PHACTR2: variants seen among roughly 807,000 people sequenced by gnomAD.
PHACTR2 encodes phosphatase and actin regulator 2, also known as chromosome 6 open reading frame 56.
PHACTR2 carries 30 observed loss-of-function variants against 76.0 expected under a neutral mutation model. The observed-to-expected ratio is 0.39, with a 90% CI of 0.30 to 0.54. The LOEUF (loss-of-function observed/expected upper bound fraction) is 0.54. PHACTR2 is among the 20% of genes least tolerant of loss of function. PHACTR2 has a pLI of 0.61. For synonymous variants in PHACTR2, 292 were observed against 292.5 expected, an observed-to-expected ratio of 1.00 and a Z score of 0.02; for missense variants, 696 against 781.1, an observed-to-expected ratio of 0.89 and a Z score of 1.30.
intron 1 of PHACTR2, among the ~76,000 whole-genome samples, chr6:143,703,271 TA>T (rs1562275568): frequency 6.6e-6 from 1 of 151,582 alleles, no homozygotes; most frequent in African/African-American, 2.4e-5. Flanking sequence ...GGAAGAAGCA[TA>T]AGGAGGATTT....
At chr6:143,703,433 A>G (rs1343530697) in intron 1 of PHACTR2, among the ~76,000 whole-genome samples, 1 of 152,158 alleles carries the variant, frequency 6.6e-6, no homozygotes, top group Non-Finnish European at 1.5e-5. Flanking sequence ...TCTTATCCCA[A>G]CTGCCTTTAG....
Position 143,825,116 on chromosome 6 carries a change from T to C in PHACTR2, c.*1427T>C, listed in dbSNP as rs923866579. The C allele has an allele frequency of 5.2e-5, 8 of 152,646 alleles. No individual in the cohort carries two copies. The highest frequency in any genetic ancestry group is 1.9e-4 in the African/African-American group (8 of 41,448). The allele number at this position is 152,646 out of a possible 1,614,324, so 9.5% of individuals were successfully genotyped here. ...ATACCACCTTGCATTTCATTGTTCTTCACAAGTGCTTTGTGCCCCTTTAAT... is the reference window on the plus strand; with the variant it reads ...ATACCACCTTGCATTTCATTGTTCTCCACAAGTGCTTTGTGCCCCTTTAAT... On this transcript the variant is annotated 3_prime_UTR_variant, in exon 13 of 13. Coordinates refer to ENST00000440869, the MANE Select transcript of PHACTR2 (RefSeq NM_001100164.2). This position sits in a 1 kb window ranked among gnomAD's most constrained non-coding sequence, Gnocchi z 4.1.
In PHACTR2 at chr6:143,780,056, G is replaced by T. The variant is rs774709010; in HGVS notation, c.1645+2673G>T. On this transcript the variant is annotated intron_variant, in intron 9 of 12. Coordinates refer to ENST00000440869, the MANE Select transcript of PHACTR2 (RefSeq NM_001100164.2). This position sits in a 1 kb window ranked among gnomAD's most constrained non-coding sequence, Gnocchi z 4.4. ...CTAATCAAGAAAGGTGATGTATTTA[G>T]CTGAGAATGTAATTCTAGCCATGTC... Among the ~76,000 whole-genome samples the T allele has an allele frequency of 6.6e-5, 10 of 151,736 alleles. No individual in the cohort carries two copies. Among genetic ancestry groups the T allele is most frequent in the Non-Finnish European group, 8.8e-5 (6 of 67,966 alleles).
intron 1 of PHACTR2, among the ~76,000 whole-genome samples, chr6:143,685,057 T>A (rs1046157166): frequency 5.9e-5 from 9 of 152,150 alleles, no homozygotes; most frequent in African/African-American, 2.2e-4. Flanking sequence ...AATTTTTTTC[T>A]TGTACCTTAA....
At chr6:143,668,186 T>C (rs1240964860) in intron 1 of PHACTR2, among the ~76,000 whole-genome samples, 1 of 152,228 alleles carries the variant, frequency 6.6e-6, no homozygotes, top group Non-Finnish European at 1.5e-5. Flanking sequence ...TTTATTGATT[T>C]GCGTATGTTG....
Position 143,816,397 on chromosome 6 carries a change from T to G in PHACTR2, c.1923-7277T>G, listed in dbSNP as rs114099227. Among the ~76,000 whole-genome samples, 995 of 152,310 alleles carry G rather than the reference T, an allele frequency of 6.5e-3. 12 individuals are homozygous for G. Among genetic ancestry groups the G allele is most frequent in the African/African-American group, 0.021 (885 of 41,556 alleles). ...GAATTTGAAGATAAGCTGAGTAATT[T>G]AAACAGGATAAAAGTGTCATTTTCA... On this transcript the variant is annotated intron_variant, in intron 12 of 12. Transcript: ENST00000440869. The surrounding 1 kb of genome is among the most constrained non-coding windows in gnomAD (Gnocchi z 4.5).
At chr6:143,711,414 A>T (rs1413680326) in intron 1 of PHACTR2, among the ~76,000 whole-genome samples, 4 of 152,364 alleles carry the variant, frequency 2.6e-5, no homozygotes, top group African/African-American at 9.6e-5. Context: ...AGACATACAA[A>T]GACATGTTTT....
In PHACTR2 at chr6:143,650,393, G is replaced by A. The variant is rs938102149; in HGVS notation, c.13+42071G>A. Among the ~76,000 whole-genome samples the A allele has an allele frequency of 2.0e-4, 30 of 152,036 alleles. 1 individual carries two copies. Among genetic ancestry groups the A allele is most frequent in the Admixed American group, 1.0e-3 (16 of 15,256 alleles). ...GCCCAAATAGCCGAGGCAATCCTAA[G>A]CAAAAAGAACAAAGCTGGAGGCATC... On this transcript the variant is annotated intron_variant, in intron 1 of 11. Transcript: ENST00000305766.
At position 143,592,195 on chromosome 6, in the gene PHACTR2, G is replaced by C. The variant is rs1381557860; in HGVS notation, c.217+54988G>C. Among the ~76,000 whole-genome samples, 1 of 152,178 alleles carries C rather than the reference G, an allele frequency of 6.6e-6. No homozygotes were observed. Among genetic ancestry groups the C allele is most frequent in the Non-Finnish European group, 1.5e-5 (1 of 68,038 alleles). ...ACATATGGTAACTAATAGTTCGTTA[G>C]CTTGATTTACAGCTTTTAAATATTT... is the stretch of plus-strand genomic sequence containing the variant. On this transcript the variant is annotated intron_variant, in intron 1 of 11. Coordinates refer to the PHACTR2 transcript ENST00000367584. The surrounding 1 kb of genome is among the most constrained non-coding windows in gnomAD (Gnocchi z 4.0).
rs1156304152 is a variant in PHACTR2 at position 143,678,836 on chromosome 6, C to T, written c.46+627C>T. On this transcript the variant is annotated intron_variant, in intron 1 of 12. Transcript: ENST00000440869. The surrounding 1 kb of genome is among the most constrained non-coding windows in gnomAD (Gnocchi z 6.2). ...GTTAGTTTTATGGAGACGTGTGTAA[C>T]GTGTCTGAGTTCTAATGCTCTGTTT... Among the ~76,000 whole-genome samples, 1 of 151,826 alleles carries T rather than the reference C, an allele frequency of 6.6e-6. No individual in the cohort carries two copies. The highest frequency in any genetic ancestry group is 1.5e-5 in the Non-Finnish European group (1 of 67,994).
chr6:143,544,803 C>T (rs1353543235), intron 1 of PHACTR2, among the ~76,000 whole-genome samples: 1 of 152,160 alleles, frequency 6.6e-6, no homozygotes, highest in Non-Finnish European at 1.5e-5. Flanking sequence ...AGAATTAATG[C>T]ATGAATTACC....
rs1398248671 is a variant in PHACTR2, at chr6:143,733,421, CGAAT to C, written c.215-15550_215-15547del. ...ATTCAGTAAATGTATATTGAATGAA[CGAAT>C]GAATGAATGAATGGCTCTTGATGGA... On this transcript the variant is annotated intron_variant, in intron 2 of 12. Transcript: ENST00000440869. This position sits in a 1 kb window ranked among gnomAD's most constrained non-coding sequence, Gnocchi z 4.0. 1.3e-5 allele frequency among the ~76,000 whole-genome samples: 2 copies of C among 152,024 alleles called. No individual in the cohort carries two copies. Among genetic ancestry groups the C allele is most frequent in the Non-Finnish European group, 1.5e-5 (1 of 67,994 alleles).
intron 11 of PHACTR2, among the ~76,000 whole-genome samples, chr6:143,802,773 T>A (rs957077356): frequency 1.3e-5 from 2 of 152,138 alleles, no homozygotes; most frequent in Non-Finnish European, 2.9e-5. Flanking sequence ...AGTGTCTGAT[T>A]TACTTTTTTT....
intron 2 of PHACTR2, among the ~76,000 whole-genome samples, chr6:143,734,058 G>A (rs897811178): frequency 1.5e-4 from 23 of 152,046 alleles, no homozygotes; most frequent in African/African-American, 5.1e-4. Context: ...TACATAGGTG[G>A]ATGGAAAGAC....
chr6:143,612,518 T>C (rs1018443018), intron 1 of PHACTR2, among the ~76,000 whole-genome samples: 12 of 152,346 alleles, frequency 7.9e-5, no homozygotes, highest in African/African-American at 2.9e-4. Flanking sequence ...AAATTTTGTT[T>C]CCTCTAATCC....
In PHACTR2 at chr6:143,742,242, C is replaced by G. The variant is rs938478119; in HGVS notation, c.215-6743C>G. Among the ~76,000 whole-genome samples the G allele has an allele frequency of 3.3e-5, 5 of 152,112 alleles. No homozygotes were observed. Among genetic ancestry groups the G allele is most frequent in the Admixed American group, 1.3e-4 (2 of 15,278 alleles). On this transcript the variant is annotated intron_variant, in intron 2 of 12. Transcript: ENST00000440869. The surrounding 1 kb of genome is among the most constrained non-coding windows in gnomAD (Gnocchi z 4.5). Reference sequence around the variant, plus strand: ...ACTGAAAAATCCAGGGGCAGAAAACCTTCAGGCGTGGTTGGATCCAGGTGC... The same window carrying G: ...ACTGAAAAATCCAGGGGCAGAAAACGTTCAGGCGTGGTTGGATCCAGGTGC...
intron 11 of PHACTR2, among the ~76,000 whole-genome samples, chr6:143,796,289 A>G (rs1775818402): frequency 6.6e-6 from 1 of 152,220 alleles, no homozygotes; most frequent in South Asian, 2.1e-4. Flanking sequence ...TATCCAAGAA[A>G]TAAAGGATAT....
chr6:143,667,168 G>A (rs1777052166), intron 1 of PHACTR2, among the ~76,000 whole-genome samples: 1 of 152,158 alleles, frequency 6.6e-6, no homozygotes, highest in Non-Finnish European at 1.5e-5. Flanking sequence ...TGTAAGATAT[G>A]TCAGAGATCA....
In PHACTR2 at chr6:143,689,624, CT is replaced by C. The variant is rs1446217036; in HGVS notation, c.46+11416del. On this transcript the variant is annotated intron_variant, in intron 1 of 12. Coordinates refer to ENST00000440869, the MANE Select transcript of PHACTR2 (RefSeq NM_001100164.2). The surrounding 1 kb of genome is among the most constrained non-coding windows in gnomAD (Gnocchi z 4.4). ...TCTCTTTTTTACCCTACCCCAACCC[CT>C]GCCTCTCCCCATTTCAGAATCATAC... Among the ~76,000 whole-genome samples the C allele has an allele frequency of 1.3e-5, 2 of 152,110 alleles. No homozygotes were observed. The highest frequency in any genetic ancestry group is 2.9e-5 in the Non-Finnish European group (2 of 68,020).
Sources: gnomAD v4.1 joint callset for allele counts (sites outside exome capture counted in the v4.1 genomes callset) on GRCh38, gnomAD v4.1.1 for gene constraint, Gnocchi (gnomAD v3.1) non-coding constraint, MANE v1.5 for transcripts, NCBI Gene and HGNC (gene_info 2026-07-23, HGNC 2026-07-21) for gene names.